PDSS2: variants seen among roughly 807,000 people sequenced by gnomAD.
The protein encoded by PDSS2 is all trans-polyprenyl-diphosphate synthase PDSS2.
PDSS2 carries 31 observed loss-of-function variants against 44.5 expected under a neutral mutation model. The observed-to-expected ratio is 0.70, with a 90% CI of 0.52 to 0.94. The LOEUF is 0.94. Among genes scored for constraint, PDSS2 ranks in the 40% least tolerant of loss-of-function variants. The pLI, the probability that PDSS2 is intolerant of heterozygous loss-of-function variation, is 0.00. For missense variants in PDSS2, 452 were observed against 482.2 expected (o/e 0.94, Z 0.59); for synonymous variants, 157 against 180.3 (o/e 0.87, Z 1.03).
chr6:107,155,627 T>G (rs1770861328), intron 7 of PDSS2, among the ~76,000 whole-genome samples: 1 of 151,188 alleles, frequency 6.6e-6, no homozygotes, highest in Non-Finnish European at 1.5e-5. Flanking sequence ...GTTGCCAGGC[T>G]GGAGTGCAGT....
intron 7 of PDSS2, among the ~76,000 whole-genome samples, chr6:107,187,955 A>G (rs1772231181): frequency 6.6e-6 from 1 of 152,218 alleles, no homozygotes; most frequent in African/African-American, 2.4e-5. Flanking sequence ...AGGAGAAAAA[A>G]ACAGAGCAAA....
chr6:107,191,634 C>T (rs1487987010), intron 7 of PDSS2, among the ~76,000 whole-genome samples: 1 of 152,018 alleles, frequency 6.6e-6, no homozygotes, highest in Non-Finnish European at 1.5e-5. Context: ...TTCTTTGAGA[C>T]AGGGTCTTAC....
chr6:107,360,936 C>T (rs146443086), intron 1 of PDSS2, among the ~76,000 whole-genome samples: 1 of 152,074 alleles, frequency 6.6e-6, no homozygotes, highest in African/African-American at 2.4e-5. Flanking sequence ...AATTTAATTG[C>T]AAATGTTAGA....
At chr6:107,248,516 T>TAAAAAAAAAAAA (rs34881663) in intron 3 of PDSS2, among the ~76,000 whole-genome samples, 1 of 122,246 alleles carries the variant, frequency 8.2e-6, no homozygotes, top group Admixed American at 8.4e-5. Context: ...AGGGAACTGT[T>TAAAAAAAAAAAA]AAAAAAAAAA....
Position 107,212,154 on chromosome 6 carries a change from C to G in PDSS2, c.831G>C (p.Gln277His), listed in dbSNP as rs1308708966. Residue 277 changes from glutamine (Q) to histidine (H), a missense_variant, in exon 5 of 8, where the codon CAG (glutamine) becomes CAC (histidine). Coordinates refer to ENST00000369037, the MANE Select transcript of PDSS2 (RefSeq NM_020381.4). ...GCTTCCCATACTGAAATGCCATATT[C>G]TGAACCTCAGCATCATGCTTTGCTA... ...MELAKHDAEVQNMAFQYGKHM... is the reference protein window; with the variant it reads ...MELAKHDAEVHNMAFQYGKHM... The G allele has an allele frequency of 1.2e-6, 2 of 1,614,094 alleles. No individual in the cohort carries two copies. Among genetic ancestry groups the G allele is most frequent in the East Asian group, 4.5e-5 (2 of 44,858 alleles).
At position 107,329,238 on chromosome 6, in the gene PDSS2, C is replaced by T. The variant is rs1020056260; in HGVS notation, c.431+4960G>A. Among the ~76,000 whole-genome samples, 3 of 152,204 alleles carry T rather than the reference C, an allele frequency of 2.0e-5. No homozygotes were observed. In the East Asian group the frequency reaches 5.8e-4, roughly 29 times the overall value. On this transcript the variant is annotated intron_variant, in intron 2 of 7. Coordinates refer to ENST00000369037, the MANE Select transcript of PDSS2 (RefSeq NM_020381.4). ...TATGCCATGCAGTATTCTACTCACT[C>T]GTTTAATTCTGAAAACCATTCTGTG...
chr6:107,426,267 G>A (rs1410573129), intron 1 of PDSS2, among the ~76,000 whole-genome samples: 1 of 152,232 alleles, frequency 6.6e-6, no homozygotes, highest in African/African-American at 2.4e-5. Context: ...GCTTCAGAGG[G>A]TGCAAGCCCC....
intron 1 of PDSS2, among the ~76,000 whole-genome samples, chr6:107,344,556 C>A (rs1778181437): frequency 6.6e-6 from 1 of 152,056 alleles, no homozygotes; most frequent in African/African-American, 2.4e-5. Context: ...GACAGCAGGG[C>A]CAAGAACTGC....
At chr6:107,242,350 G>A (rs1774465358) in intron 4 of PDSS2, among the ~76,000 whole-genome samples, 2 of 151,418 alleles carry the variant, frequency 1.3e-5, no homozygotes, top group East Asian at 3.9e-4. Context: ...TGCAAGCTCC[G>A]CCTCCTGGGT....
intron 4 of PDSS2, among the ~76,000 whole-genome samples, chr6:107,237,371 G>C (rs1192910554): frequency 2.0e-5 from 3 of 151,876 alleles, no homozygotes; most frequent in Non-Finnish European, 4.4e-5. Flanking sequence ...AGCCTCCCAA[G>C]TAACTGGGAT....
chr6:107,259,861 A>T (rs537983376), intron 3 of PDSS2, among the ~76,000 whole-genome samples: 18 of 152,310 alleles, frequency 1.2e-4, no homozygotes, highest in African/African-American at 4.3e-4. Flanking sequence ...GTGATCCCCA[A>T]GAGTGTAGCT....
At chr6:107,391,640 A>C (rs545066480) in intron 1 of PDSS2, among the ~76,000 whole-genome samples, 1 of 152,234 alleles carries the variant, frequency 6.6e-6, no homozygotes, top group African/African-American at 2.4e-5. Flanking sequence ...CCCATATTAT[A>C]TTTCCTTTGT....
At chr6:107,162,584 C>A (rs1270039982) in intron 7 of PDSS2, among the ~76,000 whole-genome samples, 4 of 113,118 alleles carry the variant, frequency 3.5e-5, no homozygotes, top group East Asian at 2.5e-4. Flanking sequence ...TACACTTTTT[C>A]TTTTTATTTT....
intron 2 of PDSS2, among the ~76,000 whole-genome samples, chr6:107,288,688 T>A (rs1776236062): frequency 6.6e-6 from 1 of 151,592 alleles, no homozygotes; most frequent in African/African-American, 2.4e-5. Flanking sequence ...GAGTTTAGGT[T>A]TTTCTAGAGC....
intron 1 of PDSS2, among the ~76,000 whole-genome samples, chr6:107,452,576 T>C (rs1475833014): frequency 6.6e-6 from 1 of 152,040 alleles, no homozygotes; most frequent in African/African-American, 2.4e-5. Flanking sequence ...TACAAGCCCT[T>C]CTTTGAATAT....
chr6:107,261,994 C>T (rs1313292924), intron 3 of PDSS2, among the ~76,000 whole-genome samples: 3 of 149,414 alleles, frequency 2.0e-5, no homozygotes, highest in African/African-American at 7.4e-5. Flanking sequence ...CTCCAAGCTC[C>T]GCCTCCCTGG....
chr6:107,155,089 C>T (rs1554245319), intron 7 of PDSS2, among the ~76,000 whole-genome samples: 3 of 150,962 alleles, frequency 2.0e-5, no homozygotes, highest in Admixed American at 6.6e-5. Flanking sequence ...AGTAAGAAGG[C>T]GGAGGGCATT....
intron 3 of PDSS2, among the ~76,000 whole-genome samples, chr6:107,246,346 CTTAAT>C (rs1249797062): frequency 6.6e-6 from 1 of 152,040 alleles, no homozygotes; most frequent in Non-Finnish European, 1.5e-5. Context: ...CATAAAGCAT[CTTAAT>C]TTGAGAGGAT....
intron 4 of PDSS2, among the ~76,000 whole-genome samples, chr6:107,232,758 C>T (rs1432025902): frequency 6.6e-6 from 1 of 152,168 alleles, no homozygotes; most frequent in East Asian, 1.9e-4. Flanking sequence ...TCAAAAGACA[C>T]ATTAAATGAA....
Sources: gnomAD v4.1 joint callset for allele counts (sites outside exome capture counted in the v4.1 genomes callset) on GRCh38, gnomAD v4.1.1 for gene constraint, MANE v1.5 for transcripts, NCBI Gene and HGNC (gene_info 2026-07-23, HGNC 2026-07-21) for gene names.